Variants in FOXK2 observed in about 807,000 individuals in gnomAD.
The protein encoded by FOXK2 is forkhead box protein K2.
Under a neutral mutation model 53.3 loss-of-function variants are expected in FOXK2, and 24 were observed. The observed-to-expected ratio is 0.45, with a 90% CI of 0.33 to 0.63. The LOEUF (loss-of-function observed/expected upper bound fraction) is 0.63. FOXK2 is among the 30% of genes least tolerant of loss of function. The pLI is 0.03. For synonymous variants in FOXK2, 505 were observed against 407.1 expected, an observed-to-expected ratio of 1.24 and a Z score of -2.89; for missense variants, 952 against 910.5, an observed-to-expected ratio of 1.05 and a Z score of -0.59.
intron 4 of FOXK2, among the ~76,000 whole-genome samples, chr17:82,575,671 T>G (rs28533410): frequency 0.18 from 26,968 of 152,030 alleles, 2,835 homozygotes; most frequent in East Asian, 0.39. Flanking sequence ...CGTGGAACTT[T>G]TATGTAGAGG....
Position 82,524,811 on chromosome 17 carries a change from A to G in FOXK2, c.419+4504A>G, listed in dbSNP as rs542482682. 1.4e-3 allele frequency among the ~76,000 whole-genome samples: 206 copies of G among 152,078 alleles called. 2 individuals carry two copies. The highest frequency in any genetic ancestry group is 4.7e-3 in the African/African-American group (196 of 41,490). On this transcript the variant is annotated intron_variant, in intron 1 of 8. Transcript: ENST00000335255. Reference sequence around the variant, plus strand: ...AGGGCTCTTGGCAGTGAGCCAGTGGAGGTTGCCTCCCACGTGTGGCTGGCC... The same window carrying G: ...AGGGCTCTTGGCAGTGAGCCAGTGGGGGTTGCCTCCCACGTGTGGCTGGCC...
rs150434099 is a variant in FOXK2 at position 82,551,448 on chromosome 17, G to T, written c.420-11906G>T. ...CCCAGCACTTTGGGAGGTCAAGGCG[G>T]GTGGATCACCTGAGGTCAGGAGTTT... is the stretch of plus-strand genomic sequence containing the variant. On this transcript the variant is annotated intron_variant, in intron 1 of 8. Coordinates refer to ENST00000335255, the MANE Select transcript of FOXK2 (RefSeq NM_004514.4). Among the ~76,000 whole-genome samples the T allele has an allele frequency of 4.9e-3, 749 of 152,280 alleles. 9 individuals carry two copies. The highest frequency in any genetic ancestry group is 0.017 in the African/African-American group (708 of 41,554).
At chr17:82,538,206 G>A (rs1163798217) in intron 1 of FOXK2, among the ~76,000 whole-genome samples, 1 of 152,108 alleles carries the variant, frequency 6.6e-6, no homozygotes, top group East Asian at 1.9e-4. Context: ...CTGGGCGACT[G>A]AGCAAGACTC....
intron 2 of FOXK2, among the ~76,000 whole-genome samples, chr17:82,566,749 C>T (rs747396831): frequency 3.3e-5 from 5 of 152,158 alleles, no homozygotes; most frequent in Non-Finnish European, 5.9e-5. Context: ...TTTCATCCTG[C>T]GTTTCCTTGC....
chr17:82,540,197 C>A (rs1018001538), intron 1 of FOXK2, among the ~76,000 whole-genome samples: 1 of 151,696 alleles, frequency 6.6e-6, no homozygotes, highest in African/African-American at 2.4e-5. Context: ...AGGAGAATTG[C>A]TTGAACCTGG....
intron 3 of FOXK2, 108 bp downstream of exon 3, chr17:82,568,309 C>T (rs1166517204): frequency 2.2e-6 from 3 of 1,356,166 alleles, no homozygotes; most frequent in East Asian, 2.4e-5. Flanking sequence ...ACAGCCCTGC[C>T]AGGGCATCGG....
intron 1 of FOXK2, among the ~76,000 whole-genome samples, chr17:82,531,469 G>A (rs916662710): frequency 3.9e-5 from 6 of 152,072 alleles, no homozygotes; most frequent in African/African-American, 1.4e-4. Context: ...TCTGAGAAAT[G>A]CATTGTTAGG....
At chr17:82,545,644 C>T (rs1464183590) in intron 1 of FOXK2, among the ~76,000 whole-genome samples, 6 of 149,930 alleles carry the variant, frequency 4.0e-5, no homozygotes, top group Non-Finnish European at 8.9e-5. Flanking sequence ...TACAGTGGCA[C>T]GATCTTGGCT....
chr17:82,581,108 A>G (rs911448455), intron 4 of FOXK2, among the ~76,000 whole-genome samples: 1 of 152,274 alleles, frequency 6.6e-6, no homozygotes, highest in Non-Finnish European at 1.5e-5. Context: ...TAATTGGGGA[A>G]TTTAGAAATG....
rs192588713 is a variant in FOXK2 at position 82,542,384 on chromosome 17, C to G, written c.420-20970C>G. Among the ~76,000 whole-genome samples, 30 of 152,112 alleles carry G rather than the reference C, an allele frequency of 2.0e-4. No individual in the cohort carries two copies. The East Asian group carries it at 5.6e-3, about 28-fold the overall frequency. On this transcript the variant is annotated intron_variant, in intron 1 of 8. Coordinates refer to ENST00000335255, the MANE Select transcript of FOXK2 (RefSeq NM_004514.4). ...TTCACCATGTTGGCCAGGCTGGTCT[C>G]GAACTCCTGAACTCAGGTGATCCGC...
intron 4 of FOXK2, among the ~76,000 whole-genome samples, chr17:82,572,421 C>T (rs943888373): frequency 2.0e-5 from 3 of 152,034 alleles, no homozygotes; most frequent in Non-Finnish European, 2.9e-5. Context: ...CGTGGAACCC[C>T]GGGGCTACCC....
chr17:82,575,549 T>C (rs575475175), intron 4 of FOXK2, among the ~76,000 whole-genome samples: 2 of 152,318 alleles, frequency 1.3e-5, no homozygotes, highest in East Asian at 1.9e-4. Context: ...TATAAAAATA[T>C]ATATTTTTAA....
chr17:82,556,088 G>A (rs1449594818), intron 1 of FOXK2, among the ~76,000 whole-genome samples: 3 of 151,956 alleles, frequency 2.0e-5, no homozygotes, highest in Non-Finnish European at 2.9e-5. Context: ...TGTATCGTGC[G>A]TATGCAACTG....
intron 1 of FOXK2, among the ~76,000 whole-genome samples, chr17:82,551,454 T>A (rs1030295374): frequency 9.9e-5 from 15 of 152,114 alleles, no homozygotes; most frequent in African/African-American, 3.6e-4. Context: ...GGCGGGTGGA[T>A]CACCTGAGGT....
At chr17:82,589,578 T>A (rs114700675) in intron 8 of FOXK2, among the ~76,000 whole-genome samples, 2 of 152,148 alleles carry the variant, frequency 1.3e-5, no homozygotes, top group African/African-American at 4.8e-5. Flanking sequence ...ACAGTCCTAG[T>A]GTCAACACTG....
At chr17:82,570,823 A>G (rs1271674980) in intron 3 of FOXK2, among the ~76,000 whole-genome samples, 1 of 152,172 alleles carries the variant, frequency 6.6e-6, no homozygotes, top group African/African-American at 2.4e-5. Context: ...GTGGGTTTCA[A>G]GTTGTCACTA....
intron 4 of FOXK2, chr17:82,577,238 T>C: frequency 7.9e-7 from 1 of 1,260,500 alleles, no homozygotes; most frequent in Non-Finnish European, 1.1e-6. Flanking sequence ...TTCCGTGTCT[T>C]CAAACTCCAG....
intron 4 of FOXK2, among the ~76,000 whole-genome samples, chr17:82,575,427 C>T (rs754066942): frequency 6.6e-6 from 1 of 152,170 alleles, no homozygotes; most frequent in Non-Finnish European, 1.5e-5. Flanking sequence ...AGCATTTTTG[C>T]CTTCACAGCA....
intron 2 of FOXK2, among the ~76,000 whole-genome samples, chr17:82,566,308 G>A (rs78461346): frequency 0.043 from 6,614 of 152,112 alleles, 207 homozygotes; most frequent in South Asian, 0.093. Context: ...TGGAGGTGTG[G>A]CCAGTGGACT....
Sources: allele counts gnomAD v4.1 joint callset (sites outside exome capture counted in the v4.1 genomes callset), GRCh38; gene constraint gnomAD v4.1.1; transcripts MANE v1.5; gene names NCBI Gene and HGNC (gene_info 2026-07-23, HGNC 2026-07-21).